Variants in INSR observed in about 807,000 individuals in gnomAD.
INSR encodes IR.
INSR carries 67 observed loss-of-function variants against 142.6 expected under a neutral mutation model. The ratio of observed to expected loss-of-function variants is 0.47; its 90% CI spans 0.39 to 0.58. INSR has a LOEUF of 0.58. Ranked by LOEUF, INSR falls within the 20% of genes least tolerant of loss-of-function variation. The pLI is 0.00. For missense variants in INSR, 1,248 were observed against 1,833.2 expected, an observed-to-expected ratio of 0.68 and a Z score of 5.83; for synonymous variants, 756 against 743.1, an observed-to-expected ratio of 1.02 and a Z score of -0.28.
chr19:7,292,811 G>A (rs1234504407), intron 1 of INSR, among the ~76,000 whole-genome samples: 1 of 152,142 alleles, frequency 6.6e-6, no homozygotes, highest in Non-Finnish European at 1.5e-5. Context: ...CCCACACGTG[G>A]GAGAGGGGCC....
At chr19:7,279,973 A>T (rs939871127) in intron 1 of INSR, among the ~76,000 whole-genome samples, 3 of 152,014 alleles carry the variant, frequency 2.0e-5, no homozygotes, top group African/African-American at 7.2e-5. Flanking sequence ...CCTGTCTCAA[A>T]AACAAAACAA....
intron 3 of INSR, among the ~76,000 whole-genome samples, chr19:7,181,279 G>A (rs1974268779): frequency 2.0e-5 from 3 of 152,110 alleles, no homozygotes; most frequent in Non-Finnish European, 4.4e-5. Context: ...TCACTAGAAT[G>A]GAAGCAGGAG....
At chr19:7,232,607 G>A (rs1600068510) in intron 2 of INSR, among the ~76,000 whole-genome samples, 1 of 152,068 alleles carries the variant, frequency 6.6e-6, no homozygotes, top group African/African-American at 2.4e-5. Flanking sequence ...TCAGGAGATC[G>A]AGACCATCCT....
intron 10 of INSR, among the ~76,000 whole-genome samples, chr19:7,151,486 T>C (rs1973359550): frequency 6.6e-6 from 1 of 151,040 alleles, no homozygotes; most frequent in Non-Finnish European, 1.5e-5. Flanking sequence ...AGGGTCTCAC[T>C]CTGTTGCTCA....
In INSR at chr19:7,156,853, A is replaced by G. The variant is rs1338560977; in HGVS notation, c.2030-3926T>C. Among the ~76,000 whole-genome samples, 3 of 135,428 alleles carry G rather than the reference A, an allele frequency of 2.2e-5. No individual in the cohort carries two copies. In the East Asian group the frequency reaches 6.5e-4, roughly 29 times the overall value. The allele number at this position is 135,428 out of a possible 152,430, so 88.8% of individuals were successfully genotyped here. On this transcript the variant is annotated intron_variant, in intron 9 of 21. Coordinates refer to ENST00000302850, the MANE Select transcript of INSR (RefSeq NM_000208.4). The stretch of plus-strand genomic sequence containing the variant: ...GCCCAGGCTGCAGTGCAGTGGCGCA[A>G]TCTTGGCTCACTGCAACCTCTGCCT...
intron 2 of INSR, among the ~76,000 whole-genome samples, chr19:7,226,248 A>C (rs1975776132): frequency 6.6e-6 from 1 of 151,852 alleles, no homozygotes; most frequent in Non-Finnish European, 1.5e-5. Flanking sequence ...TCTACTAAAA[A>C]TACAAAAAAA....
intron 3 of INSR, among the ~76,000 whole-genome samples, chr19:7,175,238 G>A (rs1476593869): frequency 6.6e-6 from 1 of 152,110 alleles, no homozygotes; most frequent in Non-Finnish European, 1.5e-5. Context: ...CTGGAGCCGG[G>A]CGTGGTGGCT....
At chr19:7,193,043 G>A (rs1384674147) in intron 2 of INSR, among the ~76,000 whole-genome samples, 3 of 152,150 alleles carry the variant, frequency 2.0e-5, no homozygotes, top group Non-Finnish European at 4.4e-5. Flanking sequence ...ATTTGCTTCA[G>A]GGAGGCAGTT....
chr19:7,133,509 T>C (rs577606069), intron 13 of INSR, among the ~76,000 whole-genome samples: 2 of 152,350 alleles, frequency 1.3e-5, no homozygotes, highest in East Asian at 3.9e-4. Context: ...ATTCCTCCCA[T>C]CTGAAACTTT....
At chr19:7,170,087 G>A (rs1375422372) in intron 6 of INSR, among the ~76,000 whole-genome samples, 2 of 152,122 alleles carry the variant, frequency 1.3e-5, no homozygotes, top group Non-Finnish European at 2.9e-5. Context: ...TGAGTGATAG[G>A]TGAGCAAGTG....
intron 3 of INSR, among the ~76,000 whole-genome samples, chr19:7,179,769 G>A (rs555220336): frequency 7.2e-5 from 11 of 152,252 alleles, no homozygotes; most frequent in South Asian, 2.1e-4. Context: ...CTCAGCTGCC[G>A]GTATACATGA....
At chr19:7,131,409 G>A (rs1387478396) in intron 14 of INSR, among the ~76,000 whole-genome samples, 2 of 151,590 alleles carry the variant, frequency 1.3e-5, no homozygotes, top group South Asian at 2.1e-4. Context: ...GCAGTGGCAC[G>A]ATCTCGGTTC....
Position 7,284,944 on chromosome 19 carries a change from T to G in INSR, c.100+8848A>C, listed in dbSNP as rs78064411. ...TTGAGACTCGTACTTATGAGTGTCCTAAAATGACCAGAAAGGCACTGAGCA... is the reference window on the plus strand; with the variant it reads ...TTGAGACTCGTACTTATGAGTGTCCGAAAATGACCAGAAAGGCACTGAGCA... On this transcript the variant is annotated intron_variant, in intron 1 of 21. Coordinates refer to ENST00000302850, the MANE Select transcript of INSR (RefSeq NM_000208.4). Among the ~76,000 whole-genome samples the G allele has an allele frequency of 8.0e-3, 1,220 of 152,274 alleles. 12 individuals are homozygous for G. The highest frequency in any genetic ancestry group is 0.028 in the African/African-American group (1,178 of 41,552).
Position 7,293,853 on chromosome 19 carries a change from C to G in INSR, c.39G>C (p.Pro13=), listed in dbSNP as rs771984795. The G allele has an allele frequency of 5.8e-4, 725 of 1,254,156 alleles. No homozygotes were observed. The highest frequency in any genetic ancestry group is 6.9e-4 in the Non-Finnish European group (693 of 1,006,086). 77.7% of individuals were successfully genotyped at this position (1,254,156 alleles called of 1,614,324 possible). The change falls in exon 1 of 22, where the codon CCG becomes CCC. Residue 13 remains proline (P), a synonymous_variant. Transcript: ENST00000302850. The part of the protein sequence containing the change: ...TGGRRGAAAA[P]LLVAVAALLL... ...GCAGCGCGGCCACCGCCACCAGCAG[C>G]GGCGCGGCCGCCGCCCCCCGCCGGC...
rs373172538 is a variant in INSR at position 7,153,053 on chromosome 19, CCA to C, written c.2030-128_2030-127del. 0.54 allele frequency: 221,804 copies of C among 410,032 alleles called. 67,915 individuals carry two copies. Among genetic ancestry groups the C allele is most frequent in the Non-Finnish European group, 0.63 (147,526 of 235,798 alleles). The allele number at this position is 410,032 out of a possible 1,614,324, so 25.4% of individuals were successfully genotyped here. On this transcript the variant is annotated intron_variant, in intron 9 of 21. Coordinates refer to ENST00000302850, the MANE Select transcript of INSR (RefSeq NM_000208.4). ...ACACACACACACACCACACACCCCC[CCA>C]CACACACACACCACACACATCACAC...
chr19:7,183,263 GGTGTGTGTGTGTGTGTGTGT>G (rs71177167), intron 3 of INSR, among the ~76,000 whole-genome samples: 5 of 146,480 alleles, frequency 3.4e-5, no homozygotes, highest in African/African-American at 1.3e-4. Context: ...GTTGTTTTGT[GGTGTGTGTGTGTGTGTGTGT>G]GTGTGTGTGT....
chr19:7,197,713 A>G (rs1414628297), intron 2 of INSR, among the ~76,000 whole-genome samples: 1 of 82,992 alleles, frequency 1.2e-5, no homozygotes, highest in African/African-American at 5.2e-5. Context: ...CAGGTTCCAG[A>G]GTGGGAGTGT....
chr19:7,210,791 A>G (rs2042903), intron 2 of INSR, among the ~76,000 whole-genome samples: 92,000 of 151,482 alleles, frequency 0.61, 28,018 homozygotes, highest in East Asian at 0.74. Flanking sequence ...GTGCAGTGGT[A>G]CAGTCTCAGC....
At chr19:7,213,940 A>G (rs1004934861) in intron 2 of INSR, among the ~76,000 whole-genome samples, 1 of 151,868 alleles carries the variant, frequency 6.6e-6, no homozygotes, top group Non-Finnish European at 1.5e-5. Flanking sequence ...CAGTGAGCAG[A>G]GATTGTGCCA....
Sources: gnomAD v4.1 joint callset for allele counts (sites outside exome capture counted in the v4.1 genomes callset) on GRCh38, gnomAD v4.1.1 for gene constraint, MANE v1.5 for transcripts, NCBI Gene and HGNC (gene_info 2026-07-23, HGNC 2026-07-21) for gene names.